EFNA1: variants seen among roughly 807,000 people sequenced by gnomAD.
EFNA1 encodes the protein ephrin-A1.
Under a neutral mutation model 23.2 loss-of-function variants are expected in EFNA1, and 8 were observed. That is an observed-to-expected ratio of 0.34 (90% CI 0.20 to 0.62). The LOEUF is 0.62. EFNA1 is among the 20% of genes least tolerant of loss of function. The probability of loss-of-function intolerance (pLI) is 0.75; values close to 1 mark genes in which losing one functional copy is unlikely to be tolerated. For synonymous variants in EFNA1, 89 were observed against 98.6 expected (o/e 0.90, Z 0.58); for missense variants, 217 against 260.0 (o/e 0.83, Z 1.14).
At chr1:155,133,198 C>T (rs1225642741) in intron 2 of EFNA1, among the ~76,000 whole-genome samples, 2 of 152,106 alleles carry the variant, frequency 1.3e-5, no homozygotes, top group Non-Finnish European at 2.9e-5. Flanking sequence ...TGTGAGCCAC[C>T]GCGCCTGGCC....
At chr1:155,128,169 T>A in intron 1 of EFNA1, 100 bp downstream of exon 1, 1 of 1,060,752 alleles carries the variant, frequency 9.4e-7, no homozygotes, top group Non-Finnish European at 1.4e-6. Flanking sequence ...CTAGAGTAGA[T>A]GACCGAGGTA....
intron 1 of EFNA1, chr1:155,130,867 A>T (rs1664226939): frequency 1.0e-6 from 1 of 985,254 alleles, no homozygotes; most frequent in South Asian, 4.7e-5. Context: ...TGGAGGCTCC[A>T]GGCTAGCATG....
chr1:155,131,700 T>C (rs1441962901), intron 2 of EFNA1, 66 bp downstream of exon 2: 1 of 1,549,054 alleles, frequency 6.5e-7, no homozygotes. Flanking sequence ...CTTGGGTACA[T>C]GCTTGGTGTA....
chr1:155,131,769 C>A, intron 2 of EFNA1, 135 bp downstream of exon 2: 1 of 1,010,098 alleles, frequency 9.9e-7, no homozygotes, highest in Non-Finnish European at 1.4e-6. Context: ...CATCTACATC[C>A]CAATGTGAGT....
At chr1:155,132,954 A>T (rs1339222140) in intron 2 of EFNA1, among the ~76,000 whole-genome samples, 1 of 151,304 alleles carries the variant, frequency 6.6e-6, no homozygotes, top group Non-Finnish European at 1.5e-5. Flanking sequence ...TCTGTCGCCC[A>T]GACTGGAGTG....
chr1:155,131,668 C>T (rs1238598303), intron 2 of EFNA1, 34 bp downstream of exon 2: 6 of 1,591,240 alleles, frequency 3.8e-6, no homozygotes, highest in Middle Eastern at 1.8e-4. Context: ...GTCTGTGTTT[C>T]TTTTTTGCCA....
intron 1 of EFNA1, chr1:155,130,804 A>G: frequency 1.0e-6 from 1 of 985,316 alleles, no homozygotes; most frequent in Non-Finnish European, 1.2e-6. Flanking sequence ...AGATCTACTC[A>G]GTGGGTCCGG....
In EFNA1 at chr1:155,127,901, C is replaced by A; in HGVS notation, c.-77C>A. The stretch of plus-strand genomic sequence containing the variant: ...AGATCTGTGAGCCCAGCGCTGACTG[C>A]GCCGCGGAGAAAGCCAGTGGGAACC... On this transcript the variant is annotated 5_prime_UTR_variant, in exon 1 of 5. Transcript: ENST00000368407. This position sits in a 1 kb window ranked among gnomAD's most constrained non-coding sequence, Gnocchi z 4.4. The A allele has an allele frequency of 8.5e-7, 1 of 1,171,172 alleles. No individual in the cohort carries two copies. The allele number at this position is 1,171,172 out of a possible 1,614,324, so 72.5% of individuals were successfully genotyped here.
chr1:155,130,617 G>A (rs1274611568), intron 1 of EFNA1: 1 of 985,228 alleles, frequency 1.0e-6, no homozygotes, highest in Non-Finnish European at 1.2e-6. Context: ...GGTTGTTTTG[G>A]GGTGCTCTGA....
In EFNA1 at chr1:155,134,105, T is replaced by A; in HGVS notation, c.*38T>A. 6.3e-7 allele frequency: 1 copy of A among 1,595,570 alleles called. No individual in the cohort carries two copies. Among genetic ancestry groups the A allele is most frequent in the Non-Finnish European group, 8.6e-7 (1 of 1,168,582 alleles). ...CACCTGGCCTTAAAGAGGGACAGGC[T>A]GAAGAGAGGGACAGGCACTCCAAAC... On this transcript the variant is annotated 3_prime_UTR_variant, in exon 5 of 5. Transcript: ENST00000368407.
At position 155,134,465 on chromosome 1, in the gene EFNA1, T is replaced by G; in HGVS notation, c.*398T>G. 4.2e-6 allele frequency: 1 copy of G among 235,734 alleles called. No individual in the cohort carries two copies. The highest frequency in any genetic ancestry group is 5.6e-5 in the South Asian group (1 of 17,886). The allele number at this position is 235,734 out of a possible 1,614,324, so 14.6% of individuals were successfully genotyped here. On this transcript the variant is annotated 3_prime_UTR_variant, in exon 5 of 5. Transcript: ENST00000368407. ...CCAGGAGAGAGCCAGGATGCCCAGA[T>G]GAACTGACTGAAGGAAAAGCAAGAA...
intron 1 of EFNA1, among the ~76,000 whole-genome samples, chr1:155,129,098 G>T (rs1032994397): frequency 6.6e-6 from 1 of 152,186 alleles, no homozygotes; most frequent in Non-Finnish European, 1.5e-5. Context: ...GCTTGTTAGG[G>T]TGGGGGAGAG....
At chr1:155,133,640 T>G in intron 3 of EFNA1, 72 bp downstream of exon 3, 1 of 1,608,098 alleles carries the variant, frequency 6.2e-7, no homozygotes, top group Non-Finnish European at 8.5e-7. Flanking sequence ...TCTAGGATGG[T>G]ATAGAAGTCT....
intron 1 of EFNA1, among the ~76,000 whole-genome samples, chr1:155,128,946 A>T (rs1388626804): frequency 6.6e-6 from 1 of 152,116 alleles, no homozygotes. Context: ...AGAAGTGGGC[A>T]GCTTGGTATC....
Position 155,134,178 on chromosome 1 carries a change from AC to A in EFNA1, c.*113del. The A allele has an allele frequency of 9.6e-7, 1 of 1,045,550 alleles. No homozygotes were observed. Among genetic ancestry groups the A allele is most frequent in the Non-Finnish European group, 1.4e-6 (1 of 698,984 alleles). 64.8% of individuals were successfully genotyped at this position (1,045,550 alleles called of 1,614,324 possible). ...GCCCCCAGCCCTGGGAACCACTCCCACCACAGGCATAAGCTATCACCTAGCA... is the reference window on the plus strand; with the variant it reads ...GCCCCCAGCCCTGGGAACCACTCCCACACAGGCATAAGCTATCACCTAGCA... On this transcript the variant is annotated 3_prime_UTR_variant, in exon 5 of 5. Transcript: ENST00000368407.
rs552004505 is a variant in EFNA1, at chr1:155,134,252, C to T, written c.*185C>T. On this transcript the variant is annotated 3_prime_UTR_variant, in exon 5 of 5. Coordinates refer to ENST00000368407, the MANE Select transcript of EFNA1 (RefSeq NM_004428.3). ...AGGTTTTCAACCGGAAGGAGGCCAA[C>T]CAGCCCGACAGTGCCATCCCCACCT... The T allele has an allele frequency of 1.6e-6, 1 of 617,468 alleles. No homozygotes were observed. The highest frequency in any genetic ancestry group is 1.8e-5 in the African/African-American group (1 of 54,520). The allele number at this position is 617,468 out of a possible 1,614,324, so 38.2% of individuals were successfully genotyped here.
intron 1 of EFNA1, chr1:155,129,968 G>A (rs1330773864): frequency 6.6e-6 from 1 of 152,488 alleles, no homozygotes; most frequent in Non-Finnish European, 1.5e-5. Flanking sequence ...ATGAGGGAAA[G>A]ACGCCAGGCC....
At chr1:155,132,529 T>C (rs1664262648) in intron 2 of EFNA1, among the ~76,000 whole-genome samples, 2 of 151,184 alleles carry the variant, frequency 1.3e-5, no homozygotes, top group African/African-American at 2.4e-5. Flanking sequence ...ATTATAGGCA[T>C]GAACCACCGC....
chr1:155,130,891 G>A (rs1351460141), intron 1 of EFNA1: 6 of 985,210 alleles, frequency 6.1e-6, no homozygotes, highest in Admixed American at 6.2e-5. Context: ...AAGAGAAAGG[G>A]TTTCCTGGAT....
Sources: allele counts gnomAD v4.1 joint callset (sites outside exome capture counted in the v4.1 genomes callset), GRCh38; gene constraint gnomAD v4.1.1; non-coding constraint Gnocchi (gnomAD v3.1); transcripts MANE v1.5; gene names NCBI Gene and HGNC (gene_info 2026-07-23, HGNC 2026-07-21).